Variants in LONRF1 observed in about 807,000 individuals in gnomAD.
LONRF1 encodes LON peptidase N-terminal domain and ring finger 1.
A neutral mutation model predicts 85.8 loss-of-function variants in LONRF1; 37 were observed. The ratio of observed to expected loss-of-function variants is 0.43; its 90% confidence interval spans 0.33 to 0.57. The LOEUF (loss-of-function observed/expected upper bound fraction) is 0.57, where lower values mean the gene tolerates loss of function less well. LONRF1 is among the 20% of genes least tolerant of loss of function. The probability of loss-of-function intolerance (pLI) is 0.04; values close to 1 mark genes in which losing one functional copy is unlikely to be tolerated. For missense variants in LONRF1, 1,036 were observed against 978.0 expected (o/e 1.06, Z -0.79); for synonymous variants, 517 against 390.1 (o/e 1.33, Z -3.83).
chr8:12,734,098 T>G (rs1798630021), intron 7 of LONRF1, among the ~76,000 whole-genome samples: 1 of 152,122 alleles, frequency 6.6e-6, no homozygotes, highest in African/African-American at 2.4e-5. Flanking sequence ...ATAGTTATCC[T>G]GGGGGGGTAT....
In LONRF1 at chr8:12,755,265, G is replaced by T; in HGVS notation, c.156C>A (p.Leu52=). 1 of 1,237,176 alleles carries T rather than the reference G, an allele frequency of 8.1e-7. No individual in the cohort carries two copies. Among genetic ancestry groups the T allele is most frequent in the African/African-American group, 1.6e-5 (1 of 63,400 alleles). 76.6% of individuals were successfully genotyped at this position (1,237,176 alleles called of 1,614,324 possible). A position where few individuals can be genotyped will look rare whatever the true frequency, so the allele number is the denominator to read the frequency against. Residue 52 remains leucine (L), a synonymous_variant, in exon 1 of 12, where the codon CTC becomes CTA. Coordinates refer to ENST00000398246, the MANE Select transcript of LONRF1 (RefSeq NM_152271.5). ...AAESERWELL[L]RRGELLALGG... is the part of the protein sequence containing the mutation. Reference sequence around the variant, plus strand: ...CCAGCGCCAGCAGCTCCCCGCGGCGGAGCAGCAGCTCCCAGCGCTCCGACT... The same window carrying T: ...CCAGCGCCAGCAGCTCCCCGCGGCGTAGCAGCAGCTCCCAGCGCTCCGACT...
chr8:12,725,558 C>T (rs1288593053), intron 11 of LONRF1, among the ~76,000 whole-genome samples, 169 bp downstream of exon 11: 1 of 152,132 alleles, frequency 6.6e-6, no homozygotes, highest in East Asian at 1.9e-4. Context: ...TAGTGGAGAC[C>T]ACTGCTCTAG....
At chr8:12,729,528 AT>A (rs1295965089) in intron 8 of LONRF1, 196 bp from the exon 9 acceptor site, 2 of 521,302 alleles carry the variant, frequency 3.8e-6, no homozygotes, top group African/African-American at 3.9e-5. Flanking sequence ...CTGATGAAAT[AT>A]TAATACTGAA....
chr8:12,751,302 T>TTTTTTTTTTTTTTTG (rs1799386808), intron 1 of LONRF1, among the ~76,000 whole-genome samples: 1 of 96,602 alleles, frequency 1.0e-5, no homozygotes, highest in African/African-American at 3.1e-5. Flanking sequence ...TTATGTTTTT[T>TTTTTTTTTTTTTTTG]TTTTTTTTTT....
In LONRF1 at chr8:12,743,184, G is replaced by C. The variant is rs1434570918; in HGVS notation, c.820C>G (p.Gln274Glu). 6.2e-7 allele frequency: 1 copy of C among 1,610,434 alleles called. No individual in the cohort carries two copies. Among genetic ancestry groups the C allele is most frequent in the African/African-American group, 1.3e-5 (1 of 74,824 alleles). The change falls in exon 2 of 12, where the codon CAA becomes GAA. Residue 274 changes from glutamine (Q) to glutamate (E), a missense_variant. Physicochemically the swap from Gln to Glu is conservative, Grantham distance 29 (BLOSUM62 2). Transcript: ENST00000398246. Reference sequence around the variant, plus strand: ...TTTACCTCAGGCCAATCTGGAAGTTGAAAAAGAACTGCATTTAAATCTTCT... The same window carrying C: ...TTTACCTCAGGCCAATCTGGAAGTTCAAAAAGAACTGCATTTAAATCTTCT... ...AIEDLNAVLF[Q>E]LPDWPEVYFR...
At chr8:12,729,646 A>G (rs570313453) in intron 8 of LONRF1, among the ~76,000 whole-genome samples, 1 of 152,252 alleles carries the variant, frequency 6.6e-6, no homozygotes, top group African/African-American at 2.4e-5. Context: ...ATTATAAGTA[A>G]TATTTTATAT....
intron 7 of LONRF1, among the ~76,000 whole-genome samples, 186 bp downstream of exon 7, chr8:12,735,100 C>G (rs1468809317): frequency 6.6e-6 from 1 of 152,018 alleles, no homozygotes; most frequent in Non-Finnish European, 1.5e-5. Context: ...CTTCTTTCTC[C>G]CCATCCTCTT....
intron 1 of LONRF1, among the ~76,000 whole-genome samples, chr8:12,750,411 G>C (rs997695396): frequency 6.6e-6 from 1 of 152,164 alleles, no homozygotes; most frequent in Non-Finnish European, 1.5e-5. Flanking sequence ...TATCATACCT[G>C]TGATAAACTT....
In LONRF1 at chr8:12,755,387, C is replaced by A; in HGVS notation, c.34G>T (p.Gly12Ter). 1 of 1,180,708 alleles carries A rather than the reference C, an allele frequency of 8.5e-7. No homozygotes were observed. The highest frequency in any genetic ancestry group is 1.0e-6 in the Non-Finnish European group (1 of 954,978). 73.1% of individuals were successfully genotyped at this position (1,180,708 alleles called of 1,614,324 possible). The change falls in exon 1 of 12, where the codon GGA becomes TGA. Residue 12 changes from glycine (G) to a stop codon, truncating the protein, a stop_gained. Coordinates refer to ENST00000398246, the MANE Select transcript of LONRF1 (RefSeq NM_152271.5). LOFTEE classifies it high-confidence loss of function. The stretch of plus-strand genomic sequence containing the variant: ...GCTGGGGCCATCTCCCGACTCCCTC[C>A]TGGGGAGGTCCTCGCCACCGCCGGA... ...SSPAVARTSP[G>*]GSREMAPAPQ...
At chr8:12,724,970 A>AT (rs1563132338) in intron 11 of LONRF1, among the ~76,000 whole-genome samples, 7 of 152,360 alleles carry the variant, frequency 4.6e-5, no homozygotes, top group Non-Finnish European at 4.4e-5. Flanking sequence ...CCATCTTCAC[A>AT]TATTTACTGA....
At chr8:12,735,003 A>G (rs1798664563) in intron 7 of LONRF1, among the ~76,000 whole-genome samples, 1 of 152,030 alleles carries the variant, frequency 6.6e-6, no homozygotes, top group East Asian at 1.9e-4. Flanking sequence ...CCAAAATTGA[A>G]CTTATCCCTG....
At chr8:12,754,676 C>G in intron 1 of LONRF1, 24 bp downstream of exon 1, 1 of 1,326,216 alleles carries the variant, frequency 7.5e-7, no homozygotes, top group South Asian at 2.1e-5. Context: ...TCGGCCCGGC[C>G]CCGCCGCATC....
In LONRF1 at chr8:12,723,031, GCAGA is replaced by G; in HGVS notation, c.*61_*64del. The stretch of plus-strand genomic sequence containing the variant: ...AACCAGCACTAGATGTGCAAAGGCA[GCAGA>G]CAATCTGGCCATCAATGCAGCCAGA... On this transcript the variant is annotated 3_prime_UTR_variant, in exon 12 of 12. Transcript: ENST00000398246. 1.4e-6 allele frequency: 2 copies of G among 1,420,192 alleles called. No individual in the cohort carries two copies. The highest frequency in any genetic ancestry group is 1.5e-5 in the South Asian group (1 of 68,316). 88.0% of individuals were successfully genotyped at this position (1,420,192 alleles called of 1,614,324 possible).
chr8:12,732,254 T>A (rs927732382), intron 7 of LONRF1, among the ~76,000 whole-genome samples: 2 of 152,180 alleles, frequency 1.3e-5, no homozygotes, highest in African/African-American at 4.8e-5. Context: ...AATAACACAT[T>A]TGCCTTATTT....
chr8:12,735,635 T>A, intron 6 of LONRF1: 2 of 452,654 alleles, frequency 4.4e-6, no homozygotes, highest in South Asian at 6.4e-5. Context: ...CCTAGAGCTG[T>A]CCTGACTAAC....
chr8:12,725,312 G>A (rs1030326021), intron 11 of LONRF1, among the ~76,000 whole-genome samples: 32 of 152,178 alleles, frequency 2.1e-4, no homozygotes, highest in African/African-American at 7.5e-4. Context: ...GAGAAAAGAT[G>A]TTTCAAATGT....
intron 8 of LONRF1, among the ~76,000 whole-genome samples, chr8:12,730,070 C>A (rs1281302419): frequency 6.6e-6 from 1 of 152,160 alleles, no homozygotes; most frequent in Non-Finnish European, 1.5e-5. Context: ...CAGACATAAG[C>A]AGGCAAGTGC....
At chr8:12,730,713 C>T (rs1253082989) in intron 8 of LONRF1, among the ~76,000 whole-genome samples, 1 of 152,122 alleles carries the variant, frequency 6.6e-6, no homozygotes, top group Non-Finnish European at 1.5e-5. Flanking sequence ...TTTTATAAAC[C>T]ACACAATAAA....
chr8:12,736,098 A>G (rs1195533372), intron 6 of LONRF1, among the ~76,000 whole-genome samples: 1 of 152,160 alleles, frequency 6.6e-6, no homozygotes, highest in Admixed American at 6.5e-5. Context: ...CAGAATTAAG[A>G]CTTGCTCAGG....
Sources: gnomAD v4.1 joint callset for allele counts (sites outside exome capture counted in the v4.1 genomes callset) on GRCh38, gnomAD v4.1.1 for gene constraint, MANE v1.5 for transcripts, NCBI Gene and HGNC (gene_info 2026-07-23, HGNC 2026-07-21) for gene names.